Variants in HEATR4 observed in about 807,000 individuals in gnomAD.
The protein encoded by HEATR4 is HEAT repeat-containing protein 4.
In HEATR4, 95 loss-of-function variants were observed where a neutral mutation model predicts 108.8. The observed-to-expected ratio is 0.87, with a 90% CI of 0.74 to 1.04. HEATR4 has a LOEUF of 1.04. HEATR4 is among the 50% of genes least tolerant of loss of function. The probability of loss-of-function intolerance (pLI) is 0.00; values close to 1 mark genes in which losing one functional copy is unlikely to be tolerated. For synonymous variants in HEATR4, 443 were observed against 459.4 expected (o/e 0.96, Z 0.46); for missense variants, 1,152 against 1,253.8 (o/e 0.92, Z 1.23).
At chr14:73,569,218 G>A in the HEATR4 span, 2 of 1,611,672 alleles carry the variant, frequency 1.2e-6, no homozygotes, top group Non-Finnish European at 1.7e-6. Context: ...TGGGCGCTTA[G>A]CCTGCGACGG....
chr14:73,603,615 A>G, the HEATR4 span, among the ~76,000 whole-genome samples: 1 of 151,930 alleles, frequency 6.6e-6, no homozygotes, highest in Admixed American at 6.6e-5. Flanking sequence ...AGCCTCCCAT[A>G]TTTTACTAAT....
the HEATR4 span, among the ~76,000 whole-genome samples, chr14:73,587,423 G>T: frequency 6.6e-6 from 1 of 151,840 alleles, no homozygotes; most frequent in Non-Finnish European, 1.5e-5. Context: ...TGCCATCTTG[G>T]TTCACTGCCA....
intron 11 of HEATR4, among the ~76,000 whole-genome samples, chr14:73,502,465 CTG>C (rs1007747194): frequency 1.8e-4 from 28 of 152,066 alleles, no homozygotes; most frequent in Non-Finnish European, 3.7e-4. Flanking sequence ...TTTGTAGGGA[CTG>C]TTAATTTTTT....
Position 73,499,131 on chromosome 14 carries a change from A to T in HEATR4, c.2296T>A (p.Cys766Ser). ...LQIRDKMVLE[C>S]LLNLMQRDPY... is the part of the protein sequence containing the mutation. ...TCTCTCTGCATCAGGTTCAGGAGGC[A>T]TTCAAGCACCTGGGATGGAAAAGGC... The change falls in exon 13 of 18, where the codon TGC becomes AGC. Residue 766 changes from cysteine to serine, a missense_variant. Cys to Ser is a moderately radical substitution (Grantham distance 112). Coordinates refer to ENST00000553558, the MANE Select transcript of HEATR4 (RefSeq NM_001220484.1). 1.2e-6 allele frequency: 2 copies of T among 1,614,174 alleles called. No homozygotes were observed. The highest frequency in any genetic ancestry group is 1.3e-5 in the African/African-American group (1 of 75,068).
In HEATR4 at chr14:73,517,680, AAG is replaced by A. The variant is rs1435468198; in HGVS notation, c.1210+1341_1210+1342del. On this transcript the variant is annotated intron_variant, in intron 5 of 17. Coordinates refer to ENST00000553558, the MANE Select transcript of HEATR4 (RefSeq NM_001220484.1). Reference sequence around the variant, plus strand: ...GAGACCCTGTCAAAAAAAAAAAAAAAAGAAGAAGAAAAGAGAGAGAGGGAAGG... The same window carrying A: ...GAGACCCTGTCAAAAAAAAAAAAAAAAAGAAGAAAAGAGAGAGAGGGAAGG... Among the ~76,000 whole-genome samples the A allele has an allele frequency of 9.4e-4, 139 of 147,112 alleles. 2 individuals are homozygous for A. The highest frequency in any genetic ancestry group is 3.3e-3 in the East Asian group (17 of 5,086).
the HEATR4 span, chr14:73,569,567 G>A: frequency 1.9e-6 from 3 of 1,600,380 alleles, no homozygotes; most frequent in African/African-American, 1.3e-5. Flanking sequence ...CGCTTTTCCA[G>A]GCCCACGCGC....
At chr14:73,615,343 C>T in the HEATR4 span, among the ~76,000 whole-genome samples, 3 of 128,678 alleles carry the variant, frequency 2.3e-5, no homozygotes, top group South Asian at 2.6e-4. Flanking sequence ...GCCAAAATCA[C>T]ACCACATCAC....
chr14:73,622,828 A>C, the HEATR4 span, among the ~76,000 whole-genome samples: 1 of 152,198 alleles, frequency 6.6e-6, no homozygotes, highest in East Asian at 1.9e-4. Context: ...GGCTAATATA[A>C]TAGTGCTTAT....
intron 2 of HEATR4, among the ~76,000 whole-genome samples, chr14:73,525,353 A>G (rs892865916): frequency 5.9e-5 from 9 of 152,184 alleles, no homozygotes; most frequent in African/African-American, 1.7e-4. Flanking sequence ...TTTCATCTAG[A>G]TGCCATTAGG....
chr14:73,479,052 C>T (rs1461308377), intron 17 of HEATR4, among the ~76,000 whole-genome samples: 1 of 152,088 alleles, frequency 6.6e-6, no homozygotes, highest in Non-Finnish European at 1.5e-5. Context: ...GATTCTCTTG[C>T]CTCAGCCTCT....
At chr14:73,514,443 A>T (rs996389091) in intron 5 of HEATR4, among the ~76,000 whole-genome samples, 1 of 152,128 alleles carries the variant, frequency 6.6e-6, no homozygotes, top group Non-Finnish European at 1.5e-5. Flanking sequence ...GTAAGCCATG[A>T]TGATGATGGG....
chr14:73,562,378 C>A (rs892073118), upstream of HEATR4, among the ~76,000 whole-genome samples: 1 of 152,010 alleles, frequency 6.6e-6, no homozygotes, highest in Non-Finnish European at 1.5e-5. Context: ...AACCTCAGGA[C>A]CACTGTGATA....
Position 73,478,488 on chromosome 14 carries a change from G to T in HEATR4, c.*118C>A. 1.4e-6 allele frequency: 1 copy of T among 730,362 alleles called. No homozygotes were observed. The highest frequency in any genetic ancestry group is 2.3e-5 in the Admixed American group (1 of 43,292). The allele number at this position is 730,362 out of a possible 1,614,324, so 45.2% of individuals were successfully genotyped here. On this transcript the variant is annotated 3_prime_UTR_variant, in exon 18 of 18. Coordinates refer to ENST00000553558, the MANE Select transcript of HEATR4 (RefSeq NM_001220484.1). Reference sequence around the variant, plus strand: ...TGCGCATTAAGACATGAGGTCTACTGTTAAATAATTTCTCTTTATAAACAT... The same window carrying T: ...TGCGCATTAAGACATGAGGTCTACTTTTAAATAATTTCTCTTTATAAACAT...
the HEATR4 span, among the ~76,000 whole-genome samples, chr14:73,586,933 G>A: frequency 6.6e-6 from 1 of 151,950 alleles, no homozygotes; most frequent in Non-Finnish European, 1.5e-5. Flanking sequence ...TCAAACTTCT[G>A]GTCTCAAGCA....
intron 11 of HEATR4, among the ~76,000 whole-genome samples, chr14:73,502,651 G>A (rs751706230): frequency 3.3e-5 from 5 of 151,984 alleles, no homozygotes; most frequent in Non-Finnish European, 7.4e-5. Flanking sequence ...AGGTTCAAGC[G>A]ATTCTCCTGT....
chr14:73,521,403 A>G (rs966692893), intron 3 of HEATR4, among the ~76,000 whole-genome samples: 1 of 152,100 alleles, frequency 6.6e-6, no homozygotes, highest in African/African-American at 2.4e-5. Flanking sequence ...CACTCTGTCT[A>G]TTCTGTGTGT....
chr14:73,557,573 A>G (rs1403994171), intron 1 of HEATR4, among the ~76,000 whole-genome samples: 1 of 77,298 alleles, frequency 1.3e-5, no homozygotes, highest in African/African-American at 4.2e-5. Flanking sequence ...ATCTTCTGAA[A>G]GCTTTAAAAA....
upstream of HEATR4, among the ~76,000 whole-genome samples, chr14:73,563,138 G>A (rs1889553127): frequency 6.6e-6 from 1 of 151,944 alleles, no homozygotes; most frequent in East Asian, 1.9e-4. Context: ...CTACCAATAT[G>A]TGATGTCACC....
chr14:73,568,628 A>AT, the HEATR4 span, among the ~76,000 whole-genome samples: 1 of 151,996 alleles, frequency 6.6e-6, no homozygotes, highest in Non-Finnish European at 1.5e-5. Flanking sequence ...AAACAAAATA[A>AT]TAACTATTAG....
Sources: gnomAD v4.1 joint callset for allele counts (sites outside exome capture counted in the v4.1 genomes callset) on GRCh38, gnomAD v4.1.1 for gene constraint, MANE v1.5 for transcripts, NCBI Gene and HGNC (gene_info 2026-07-23, HGNC 2026-07-21) for gene names.